The following HTR4 variants were observed in gnomAD, a reference collection of about 807,000 sequenced individuals.
HTR4 encodes the protein 5-hydroxytryptamine (serotonin) receptor 4, G protein-coupled.
A neutral mutation model predicts 36.8 loss-of-function variants in HTR4; 16 were observed. That is an observed-to-expected ratio of 0.43 (90% CI 0.29 to 0.66). The LOEUF (loss-of-function observed/expected upper bound fraction) is 0.66. HTR4 is among the 30% of genes least tolerant of loss of function. HTR4 has a pLI of 0.13. For synonymous variants in HTR4, 189 were observed against 185.1 expected, an observed-to-expected ratio of 1.02 and a Z score of -0.17; for missense variants, 438 against 490.9, an observed-to-expected ratio of 0.89 and a Z score of 1.02.
At chr5:148,559,659 A>G (rs1760102821) in intron 2 of HTR4, among the ~76,000 whole-genome samples, 1 of 152,154 alleles carries the variant, frequency 6.6e-6, no homozygotes, top group South Asian at 2.1e-4. Flanking sequence ...TCTGGCAGCC[A>G]GCCCAGAACG....
intron 2 of HTR4, among the ~76,000 whole-genome samples, chr5:148,595,522 C>T (rs1408628282): frequency 1.3e-5 from 2 of 152,134 alleles, no homozygotes; most frequent in Non-Finnish European, 2.9e-5. Context: ...AGGAGCAAAT[C>T]ATGCCCCAAA....
At chr5:148,503,296 C>T (rs547410567) in intron 6 of HTR4, among the ~76,000 whole-genome samples, 127 of 152,222 alleles carry the variant, frequency 8.3e-4, no homozygotes, top group Middle Eastern at 3.4e-3. Flanking sequence ...TGGATCTCTC[C>T]GCAGAAACTC....
At chr5:148,474,077 T>C (rs1037677083), downstream of HTR4, among the ~76,000 whole-genome samples, 17 of 152,264 alleles carry the variant, frequency 1.1e-4, no homozygotes, top group Non-Finnish European at 2.2e-4. Flanking sequence ...AAGAGTACCC[T>C]TTCCTAGTTC....
At chr5:148,625,151 A>C (rs1295899074) in intron 2 of HTR4, among the ~76,000 whole-genome samples, 1 of 152,188 alleles carries the variant, frequency 6.6e-6, no homozygotes, top group Non-Finnish European at 1.5e-5. Flanking sequence ...AAAGATGGCC[A>C]GTCGTCTGGC....
At chr5:148,496,434 T>C (rs1490258234) in intron 6 of HTR4, among the ~76,000 whole-genome samples, 1 of 152,078 alleles carries the variant, frequency 6.6e-6, no homozygotes, top group African/African-American at 2.4e-5. Flanking sequence ...ACTCCCCAAA[T>C]TTCCAACAAT....
chr5:148,561,931 G>A (rs534173783), intron 2 of HTR4, among the ~76,000 whole-genome samples: 3 of 152,314 alleles, frequency 2.0e-5, no homozygotes, highest in South Asian at 4.1e-4. Flanking sequence ...CCAATTGCCA[G>A]TGGATACAGC....
chr5:148,632,349 G>A (rs1418497014), intron 2 of HTR4, among the ~76,000 whole-genome samples: 1 of 152,046 alleles, frequency 6.6e-6, no homozygotes, highest in Non-Finnish European at 1.5e-5. Flanking sequence ...ATGCTTTTCT[G>A]GTTGCTAATG....
At chr5:148,533,550 C>G (rs1316920781) in intron 4 of HTR4, among the ~76,000 whole-genome samples, 1 of 152,198 alleles carries the variant, frequency 6.6e-6, no homozygotes, top group African/African-American at 2.4e-5. Flanking sequence ...GAAAATTCTA[C>G]TTCCTCACTT....
intron 2 of HTR4, among the ~76,000 whole-genome samples, chr5:148,622,447 C>G (rs560970608): frequency 6.6e-6 from 1 of 152,318 alleles, no homozygotes; most frequent in Non-Finnish European, 1.5e-5. Context: ...ACAAGAAACA[C>G]TGTATAAAAC....
At chr5:148,469,265 G>A (rs185080436) in intron 5 of HTR4, among the ~76,000 whole-genome samples, 36 of 152,236 alleles carry the variant, frequency 2.4e-4, no homozygotes, top group African/African-American at 7.9e-4. Context: ...AAGATATGAT[G>A]ACTCCTTTTA....
chr5:148,590,068 A>G (rs1323184101), intron 2 of HTR4, among the ~76,000 whole-genome samples: 1 of 152,050 alleles, frequency 6.6e-6, no homozygotes, highest in Non-Finnish European at 1.5e-5. Flanking sequence ...AACTTTCAGA[A>G]GCTTTAATTT....
chr5:148,466,061 T>A (rs1449831918), intron 5 of HTR4: 2 of 1,490,174 alleles, frequency 1.3e-6, no homozygotes, highest in Non-Finnish European at 1.8e-6. Context: ...ATTCTTAAAG[T>A]GCTTTTAGAG....
Position 148,582,235 on chromosome 5 carries a change from A to G in HTR4, c.27-31973T>C, listed in dbSNP as rs890137411. 4.6e-5 allele frequency among the ~76,000 whole-genome samples: 7 copies of G among 151,942 alleles called. No individual in the cohort carries two copies. The East Asian group carries it at 7.8e-4, about 17-fold the overall frequency. ...GTTTATTAGTTCTAACCTTTTTTAT[A>G]TTTTTAGAGTCTTTAGGGTTTTATA... On this transcript the variant is annotated intron_variant, in intron 2 of 6. Transcript: ENST00000377888.
intron 4 of HTR4, among the ~76,000 whole-genome samples, chr5:148,544,278 T>TCTCTCTTTCTCTCTCTCTCCAC (rs66876395): frequency 9.8e-6 from 1 of 102,300 alleles, no homozygotes; most frequent in Non-Finnish European, 2.7e-5. Context: ...TCTCTCTCTT[T>TCTCTCTTTCTCTCTCTCTCCAC]CTCTCTTTCT....
At chr5:148,574,989 C>T (rs1322486520) in intron 2 of HTR4, among the ~76,000 whole-genome samples, 2 of 152,082 alleles carry the variant, frequency 1.3e-5, no homozygotes, top group Non-Finnish European at 2.9e-5. Flanking sequence ...CCTCTAAACA[C>T]ACTAGAAAAT....
intron 2 of HTR4, among the ~76,000 whole-genome samples, chr5:148,633,899 T>A (rs756199682): frequency 6.6e-6 from 1 of 152,142 alleles, no homozygotes; most frequent in Non-Finnish European, 1.5e-5. Flanking sequence ...AGTAATTCTT[T>A]GAGCTTGTAC....
At position 148,652,526 on chromosome 5, in the gene HTR4, G is replaced by T. The variant is rs950337805; in HGVS notation, c.-48+1536C>A. 1.9e-3 allele frequency among the ~76,000 whole-genome samples: 288 copies of T among 152,144 alleles called. 2 individuals carry two copies. The highest frequency in any genetic ancestry group is 5.0e-4 in the Non-Finnish European group (34 of 68,022). On this transcript the variant is annotated intron_variant, in intron 1 of 6. Coordinates refer to ENST00000377888, the MANE Select transcript of HTR4 (RefSeq NM_000870.7). The stretch of plus-strand genomic sequence containing the variant: ...GAGCAGGGTGAAAGAATATACATTT[G>T]ATTTGTTGGCTTCAAGGATGCTTTT...
intron 5 of HTR4, 115 bp from the exon 6 acceptor site, chr5:148,510,139 A>G (rs56373125): frequency 0.081 from 52,501 of 649,218 alleles, 3,811 homozygotes; most frequent in African/African-American, 0.29. Context: ...GAAAAGGAAG[A>G]AAGTGGAGGA....
At chr5:148,651,998 G>A (rs958397196) in intron 1 of HTR4, among the ~76,000 whole-genome samples, 4 of 151,916 alleles carry the variant, frequency 2.6e-5, no homozygotes, top group African/African-American at 9.7e-5. Context: ...GACTTAGAAA[G>A]GCAAAGAAAC....
Sources: allele counts gnomAD v4.1 joint callset (sites outside exome capture counted in the v4.1 genomes callset), GRCh38; gene constraint gnomAD v4.1.1; transcripts MANE v1.5; gene names NCBI Gene and HGNC (gene_info 2026-07-23, HGNC 2026-07-21).